Variants in VIT observed in about 807,000 individuals in gnomAD.
The protein encoded by VIT is vitrin.
VIT carries 99 observed loss-of-function variants against 78.0 expected under a neutral mutation model. The observed-to-expected ratio is 1.27, with a 90% CI of 1.08 to 1.50. The LOEUF (loss-of-function observed/expected upper bound fraction) is 1.50. Ranked by LOEUF, VIT falls within the 40% of genes most tolerant of loss-of-function variation. VIT has a pLI of 0.00. For synonymous variants in VIT, 374 were observed against 334.3 expected (o/e 1.12, Z -1.29); for missense variants, 1,126 against 875.3 (o/e 1.29, Z -3.61).
At chr2:36,779,689 C>T (rs1473404238) in intron 9 of VIT, among the ~76,000 whole-genome samples, 1 of 152,210 alleles carries the variant, frequency 6.6e-6, no homozygotes, top group Admixed American at 6.5e-5. Flanking sequence ...CATCATTCAG[C>T]TCCCACTTGT....
At chr2:36,807,189 C>T (rs1319538522) in intron 14 of VIT, among the ~76,000 whole-genome samples, 5 of 152,190 alleles carry the variant, frequency 3.3e-5, no homozygotes, top group Non-Finnish European at 7.3e-5. Context: ...GTTTAGATTT[C>T]ACAATGAAGC....
At chr2:36,739,728 A>G (rs937788959) in intron 3 of VIT, among the ~76,000 whole-genome samples, 1 of 152,128 alleles carries the variant, frequency 6.6e-6, no homozygotes, top group Non-Finnish European at 1.5e-5. Flanking sequence ...TATCTTAAGG[A>G]ATCATATGAG....
chr2:36,710,174 A>G (rs1315387106), intron 1 of VIT, among the ~76,000 whole-genome samples: 1 of 152,194 alleles, frequency 6.6e-6, no homozygotes, highest in Non-Finnish European at 1.5e-5. Context: ...TAACAACAAT[A>G]CTTCTTAAGT....
At chr2:36,786,851 G>T (rs1331307652) in intron 11 of VIT, among the ~76,000 whole-genome samples, 2 of 152,218 alleles carry the variant, frequency 1.3e-5, no homozygotes, top group Non-Finnish European at 2.9e-5. Flanking sequence ...GCCTTCCCTA[G>T]CTTGGCTAGG....
In VIT at chr2:36,743,120, G is replaced by T. The variant is rs762367566; in HGVS notation, c.139G>T (p.Asp47Tyr). Residue 47 changes from aspartate (D) to tyrosine (Y), a missense_variant, in exon 4 of 16, where the codon GAT (aspartate) becomes TAT (tyrosine). By Grantham distance (160) the Asp-to-Tyr change is radical. Transcript: ENST00000379242. The stretch of plus-strand genomic sequence containing the variant: ...CCCAGCTGTGCCTCAGATCAACTGC[G>T]ATGTCAAAGCCGGAAAGATCATCGA... ...PKFTVPQINCDVKAGKIIDPE... is the reference protein window; with the variant it reads ...PKFTVPQINCYVKAGKIIDPE... The T allele has an allele frequency of 8.7e-6, 14 of 1,613,888 alleles. No homozygotes were observed. Among genetic ancestry groups the T allele is most frequent in the African/African-American group, 4.0e-5 (3 of 74,892 alleles).
intron 3 of VIT, among the ~76,000 whole-genome samples, chr2:36,738,654 C>T (rs1667652521): frequency 6.6e-6 from 1 of 152,060 alleles, no homozygotes; most frequent in East Asian, 1.9e-4. Context: ...AAGATGTTAA[C>T]TGGAACTGGG....
intron 13 of VIT, among the ~76,000 whole-genome samples, 172 bp from the exon 14 acceptor site, chr2:36,805,266 T>C (rs1666623264): frequency 6.7e-6 from 1 of 149,880 alleles, no homozygotes; most frequent in Non-Finnish European, 1.5e-5. Flanking sequence ...ATCGAACCAC[T>C]TCATTCCAGC....
chr2:36,758,395 T>C (rs536508361), intron 5 of VIT, among the ~76,000 whole-genome samples: 5 of 152,356 alleles, frequency 3.3e-5, no homozygotes, highest in African/African-American at 1.2e-4. Context: ...TGGCAATTTT[T>C]TTATGCTTAT....
chr2:36,737,044 A>T (rs1667549072), intron 3 of VIT, among the ~76,000 whole-genome samples: 1 of 152,240 alleles, frequency 6.6e-6, no homozygotes, highest in Non-Finnish European at 1.5e-5. Context: ...GAACAACAAC[A>T]AAAGCCACTA....
intron 1 of VIT, among the ~76,000 whole-genome samples, chr2:36,699,682 A>G (rs1018236916): frequency 1.3e-5 from 2 of 150,122 alleles, no homozygotes; most frequent in Non-Finnish European, 3.0e-5. Context: ...ACACACATAT[A>G]CATAGTGTAC....
chr2:36,717,859 A>C (rs1348737167), intron 2 of VIT, among the ~76,000 whole-genome samples: 1 of 152,162 alleles, frequency 6.6e-6, no homozygotes, highest in Non-Finnish European at 1.5e-5. Flanking sequence ...CCCTCTGGAG[A>C]CTAGAAGTCC....
chr2:36,743,319 T>A (rs1057176307), intron 4 of VIT, 63 bp downstream of exon 4: 1 of 1,447,446 alleles, frequency 6.9e-7, no homozygotes, highest in Non-Finnish European at 9.2e-7. Flanking sequence ...GGAGCCCCCA[T>A]GCAAGGTTGC....
chr2:36,800,674 C>T (rs1666259377), intron 12 of VIT, among the ~76,000 whole-genome samples: 1 of 152,206 alleles, frequency 6.6e-6, no homozygotes, highest in African/African-American at 2.4e-5. Flanking sequence ...CGTGGGGATT[C>T]ACTTGTAGAG....
At chr2:36,705,657 C>T (rs1243988534) in intron 1 of VIT, among the ~76,000 whole-genome samples, 1 of 152,110 alleles carries the variant, frequency 6.6e-6, no homozygotes, top group Non-Finnish European at 1.5e-5. Flanking sequence ...AGGATTTTCT[C>T]TAACTATTGG....
At chr2:36,803,030 A>C (rs1572570311) in intron 13 of VIT, among the ~76,000 whole-genome samples, 1 of 152,122 alleles carries the variant, frequency 6.6e-6, no homozygotes, top group South Asian at 2.1e-4. Flanking sequence ...CTCTTCAGAA[A>C]CCTGCTTTGT....
At chr2:36,804,642 C>T (rs914342855) in intron 13 of VIT, among the ~76,000 whole-genome samples, 21 of 152,070 alleles carry the variant, frequency 1.4e-4, no homozygotes, top group Non-Finnish European at 3.1e-4. Context: ...CCATCCTGGC[C>T]AACATGGTGA....
At position 36,794,517 on chromosome 2, in the gene VIT, G is replaced by A. The variant is rs985491789; in HGVS notation, c.1059-6784G>A. Among the ~76,000 whole-genome samples the A allele has an allele frequency of 5.3e-5, 8 of 152,288 alleles. No individual in the cohort carries two copies. In the South Asian group the frequency reaches 1.0e-3, roughly 20 times the overall value. ...AAGGACACATATACGCTGGTCCTGA[G>A]ACCTGCCACGGACTGCAGATTCATG... is the stretch of plus-strand genomic sequence containing the variant. On this transcript the variant is annotated intron_variant, in intron 12 of 15. Transcript: ENST00000379242.
intron 5 of VIT, among the ~76,000 whole-genome samples, chr2:36,758,401 C>T (rs1668896176): frequency 6.6e-6 from 1 of 152,182 alleles, no homozygotes; most frequent in Non-Finnish European, 1.5e-5. Context: ...TTTTTTTATG[C>T]TTATTTTTTT....
At chr2:36,741,174 C>T (rs1314073013) in intron 3 of VIT, among the ~76,000 whole-genome samples, 1 of 152,182 alleles carries the variant, frequency 6.6e-6, no homozygotes, top group Non-Finnish European at 1.5e-5. Context: ...AGGAATCAAA[C>T]AATTCACTAA....
Sources: gnomAD v4.1 joint callset for allele counts (sites outside exome capture counted in the v4.1 genomes callset) on GRCh38, gnomAD v4.1.1 for gene constraint, MANE v1.5 for transcripts, NCBI Gene and HGNC (gene_info 2026-07-23, HGNC 2026-07-21) for gene names.